The following FSTL5 variants were observed in gnomAD, a reference collection of about 807,000 sequenced individuals.
FSTL5 encodes follistatin-related protein 5.
FSTL5 carries 62 observed loss-of-function variants against 89.1 expected under a neutral mutation model. The ratio of observed to expected loss-of-function variants is 0.70; its 90% CI spans 0.57 to 0.86. The LOEUF is 0.86. Among genes scored for constraint, FSTL5 ranks in the 40% least tolerant of loss-of-function variants. FSTL5 has a pLI of 0.00. For missense variants in FSTL5, 1,057 were observed against 1,001.6 expected (o/e 1.06, Z -0.75); for synonymous variants, 383 against 346.2 (o/e 1.11, Z -1.18).
chr4:161,876,039 AAC>A lies in FSTL5; in HGVS notation c.409+44363_409+44364del, dbSNP rs557281957. On this transcript the variant is annotated intron_variant, in intron 4 of 15. Transcript: ENST00000306100. ...CATATCTTCTCATTTCTAGTATAACAACACTCATAAAGATGTAAAGATATAAA... is the reference window on the plus strand; with the variant it reads ...CATATCTTCTCATTTCTAGTATAACAACTCATAAAGATGTAAAGATATAAA... Among the ~76,000 whole-genome samples, 153 of 152,324 alleles carry A rather than the reference AAC, an allele frequency of 1.0e-3. 2 individuals are homozygous for A. Among genetic ancestry groups the A allele is most frequent in the African/African-American group, 3.1e-3 (130 of 41,572 alleles).
intron 2 of FSTL5, among the ~76,000 whole-genome samples, chr4:162,043,776 C>A (rs1276236804): frequency 6.6e-6 from 1 of 152,148 alleles, no homozygotes; most frequent in African/African-American, 2.4e-5. Context: ...ATTTCAACAA[C>A]GTTGACAGCA....
At chr4:161,695,739 G>A (rs1738135670) in intron 6 of FSTL5, among the ~76,000 whole-genome samples, 1 of 152,022 alleles carries the variant, frequency 6.6e-6, no homozygotes, top group Middle Eastern at 3.4e-3. Context: ...TTTTTCATAT[G>A]TTTGTTGGCC....
chr4:161,527,299 C>A (rs1180147929), intron 10 of FSTL5, among the ~76,000 whole-genome samples: 2 of 152,136 alleles, frequency 1.3e-5, no homozygotes, highest in Middle Eastern at 3.4e-3. Flanking sequence ...CAAATGGGAT[C>A]TAATTAAACT....
At chr4:162,011,038 C>T (rs901209625) in intron 3 of FSTL5, among the ~76,000 whole-genome samples, 9 of 152,000 alleles carry the variant, frequency 5.9e-5, no homozygotes, top group African/African-American at 2.2e-4. Flanking sequence ...AAATAAAATC[C>T]AGGAACATCA....
intron 3 of FSTL5, among the ~76,000 whole-genome samples, chr4:161,921,717 A>G (rs948671204): frequency 1.3e-5 from 2 of 152,200 alleles, no homozygotes; most frequent in Non-Finnish European, 2.9e-5. Flanking sequence ...AAGAACATGG[A>G]TTCTGATCCA....
chr4:162,111,187 C>A, intron 2 of FSTL5, 84 bp downstream of exon 2: 1 of 1,150,778 alleles, frequency 8.7e-7, no homozygotes, highest in Non-Finnish European at 1.2e-6. Context: ...AATAAGTGCT[C>A]CTAAGTGAAT....
At chr4:161,974,163 C>A (rs539559728) in intron 3 of FSTL5, among the ~76,000 whole-genome samples, 1 of 152,094 alleles carries the variant, frequency 6.6e-6, no homozygotes, top group Non-Finnish European at 1.5e-5. Context: ...GAATCAATAT[C>A]GTGAAAATGG....
chr4:161,980,772 T>C (rs1191442871), intron 3 of FSTL5, among the ~76,000 whole-genome samples: 9 of 136,542 alleles, frequency 6.6e-5, no homozygotes, highest in African/African-American at 2.5e-4. Context: ...AACTTTTTTT[T>C]TTTTTTTTTT....
intron 5 of FSTL5, among the ~76,000 whole-genome samples, chr4:161,762,190 C>T (rs1267698431): frequency 1.3e-5 from 2 of 152,078 alleles, no homozygotes; most frequent in Non-Finnish European, 2.9e-5. Context: ...TGTTTTGAGA[C>T]GGAGTCTTGC....
intron 4 of FSTL5, among the ~76,000 whole-genome samples, chr4:161,796,677 A>C (rs1189664964): frequency 6.6e-6 from 1 of 151,434 alleles, no homozygotes; most frequent in East Asian, 1.9e-4. Flanking sequence ...TTTTCTATTA[A>C]CCAGTTCGAA....
At chr4:161,939,052 G>T (rs532144429) in intron 3 of FSTL5, among the ~76,000 whole-genome samples, 52 of 151,742 alleles carry the variant, frequency 3.4e-4, no homozygotes, top group Non-Finnish European at 4.3e-4. Context: ...ATGACATTGG[G>T]TATAGTATAT....
intron 1 of FSTL5, among the ~76,000 whole-genome samples, chr4:162,119,039 T>A (rs1472055832): frequency 6.6e-6 from 1 of 152,178 alleles, no homozygotes; most frequent in Middle Eastern, 3.4e-3. Flanking sequence ...CTGGGCAATA[T>A]AGCAAGACCC....
chr4:161,972,111 T>G (rs1735501377), intron 3 of FSTL5, among the ~76,000 whole-genome samples: 1 of 152,248 alleles, frequency 6.6e-6, no homozygotes, highest in African/African-American at 2.4e-5. Flanking sequence ...TTTTCTTTTT[T>G]GAGGGAGTTT....
At chr4:161,931,747 C>A (rs1032034858) in intron 3 of FSTL5, among the ~76,000 whole-genome samples, 2 of 151,932 alleles carry the variant, frequency 1.3e-5, no homozygotes, top group Admixed American at 6.6e-5. Flanking sequence ...ATTAAAAGTG[C>A]ATGTTTTCAG....
chr4:161,902,412 G>C lies in FSTL5; in HGVS notation c.409+17992C>G, dbSNP rs560321119. Among the ~76,000 whole-genome samples the C allele has an allele frequency of 1.8e-3, 278 of 152,184 alleles. 1 individual carries two copies. The highest frequency in any genetic ancestry group is 6.4e-3 in the African/African-American group (264 of 41,520). ...CATAATGTTTTAAATTATCAGGAAAGGGCATATGCACACATTTAATAATAA... is the reference window on the plus strand; with the variant it reads ...CATAATGTTTTAAATTATCAGGAAACGGCATATGCACACATTTAATAATAA... On this transcript the variant is annotated intron_variant, in intron 4 of 15. Transcript: ENST00000306100.
At chr4:161,404,356 A>G (rs925139576) in intron 15 of FSTL5, among the ~76,000 whole-genome samples, 13 of 152,188 alleles carry the variant, frequency 8.5e-5, no homozygotes, top group African/African-American at 3.1e-4. Flanking sequence ...AGAATTCTTA[A>G]TGTATAGTGG....
chr4:161,857,131 T>C (rs1731746492), intron 4 of FSTL5, among the ~76,000 whole-genome samples: 1 of 152,098 alleles, frequency 6.6e-6, no homozygotes, highest in South Asian at 2.1e-4. Context: ...GACAAGGTCA[T>C]TGTGATGGTA....
intron 4 of FSTL5, among the ~76,000 whole-genome samples, chr4:161,880,176 T>C (rs1234354388): frequency 6.6e-6 from 1 of 152,104 alleles, no homozygotes; most frequent in African/African-American, 2.4e-5. Flanking sequence ...TAAAGGTAAA[T>C]TTTACTGCAT....
chr4:161,465,871 C>T (rs139358626), intron 13 of FSTL5, among the ~76,000 whole-genome samples: 219 of 152,282 alleles, frequency 1.4e-3, no homozygotes, highest in Non-Finnish European at 2.4e-3. Context: ...TATTAATTTA[C>T]AATCCCTCTT....
Sources: gnomAD v4.1 joint callset for allele counts (sites outside exome capture counted in the v4.1 genomes callset) on GRCh38, gnomAD v4.1.1 for gene constraint, MANE v1.5 for transcripts, NCBI Gene and HGNC (gene_info 2026-07-23, HGNC 2026-07-21) for gene names.